SNX4: variants seen among roughly 807,000 people sequenced by gnomAD.
The protein encoded by SNX4 is sorting nexin 4.
A neutral mutation model predicts 70.8 loss-of-function variants in SNX4; 49 were observed. That is an observed-to-expected ratio of 0.69 (90% CI 0.55 to 0.88). The LOEUF is 0.88. SNX4 is among the 40% of genes least tolerant of loss of function. The pLI is 0.00. For synonymous variants in SNX4, 206 were observed against 183.8 expected, an observed-to-expected ratio of 1.12 and a Z score of -0.98; for missense variants, 528 against 544.8, an observed-to-expected ratio of 0.97 and a Z score of 0.31.
chr3:125,453,105 A>G (rs1197537510), intron 12 of SNX4, among the ~76,000 whole-genome samples: 1 of 152,232 alleles, frequency 6.6e-6, no homozygotes, highest in Non-Finnish European at 1.5e-5. Context: ...CTGAATTTCT[A>G]GAAATACTTA....
At chr3:125,484,541 T>C (rs1934481190) in intron 6 of SNX4, among the ~76,000 whole-genome samples, 1 of 152,142 alleles carries the variant, frequency 6.6e-6, no homozygotes, top group African/African-American at 2.4e-5. Flanking sequence ...AGGTGTGAGC[T>C]ACCATGTCTG....
chr3:125,486,644 A>C (rs1280184871), intron 6 of SNX4, among the ~76,000 whole-genome samples: 1 of 152,150 alleles, frequency 6.6e-6, no homozygotes, highest in Non-Finnish European at 1.5e-5. Context: ...AGAGTACGTT[A>C]CTTATATAAT....
At chr3:125,508,844 C>T (rs530541962) in intron 1 of SNX4, among the ~76,000 whole-genome samples, 1 of 152,102 alleles carries the variant, frequency 6.6e-6, no homozygotes, top group South Asian at 2.1e-4. Flanking sequence ...GGACCCTTAC[C>T]TAACACCGAC....
chr3:125,490,957 T>C (rs772324059), intron 5 of SNX4, among the ~76,000 whole-genome samples: 1 of 152,124 alleles, frequency 6.6e-6, no homozygotes, highest in Non-Finnish European at 1.5e-5. Flanking sequence ...ACAAATACTG[T>C]TAATGAATAA....
chr3:125,491,671 C>T (rs1029071208), intron 5 of SNX4, among the ~76,000 whole-genome samples: 9 of 152,130 alleles, frequency 5.9e-5, no homozygotes, highest in Non-Finnish European at 8.8e-5. Flanking sequence ...GATAGGTTAT[C>T]GCCCACCTAA....
At chr3:125,481,686 GC>G (rs989997646) in intron 6 of SNX4, among the ~76,000 whole-genome samples, 7 of 152,208 alleles carry the variant, frequency 4.6e-5, no homozygotes, top group Non-Finnish European at 5.9e-5. Flanking sequence ...GTGATCGCCT[GC>G]CTTGGCCTCC....
At chr3:125,454,433 AAC>A (rs1402501841) in intron 11 of SNX4, among the ~76,000 whole-genome samples, 5 of 152,196 alleles carry the variant, frequency 3.3e-5, no homozygotes, top group Admixed American at 3.3e-4. Context: ...TCTGAAATGA[AAC>A]AGTTTCATCC....
chr3:125,478,060 CT>C (rs1553726348), intron 7 of SNX4, among the ~76,000 whole-genome samples: 1 of 149,114 alleles, frequency 6.7e-6, no homozygotes, highest in Non-Finnish European at 1.5e-5. Context: ...TCTTCTTCTT[CT>C]TATTATTATT....
chr3:125,490,362 A>G (rs1466619199), intron 5 of SNX4, among the ~76,000 whole-genome samples: 1 of 151,496 alleles, frequency 6.6e-6, no homozygotes, highest in Non-Finnish European at 1.5e-5. Flanking sequence ...CTCTACTAAA[A>G]ATACAAAAAA....
chr3:125,465,916 TAA>T (rs1273420389), intron 9 of SNX4, among the ~76,000 whole-genome samples: 1 of 152,228 alleles, frequency 6.6e-6, no homozygotes, highest in Non-Finnish European at 1.5e-5. Flanking sequence ...CAGCTGAGAT[TAA>T]AAGTGTGAGC....
chr3:125,498,246 C>A (rs1428645122), intron 2 of SNX4, 52 bp from the exon 3 acceptor site: 1 of 1,444,272 alleles, frequency 6.9e-7, no homozygotes, highest in Admixed American at 1.9e-5. Context: ...AAAATACATA[C>A]ACATAAATAC....
At chr3:125,451,063 C>A (rs537044999) in intron 13 of SNX4, among the ~76,000 whole-genome samples, 12 of 151,828 alleles carry the variant, frequency 7.9e-5, no homozygotes, top group Non-Finnish European at 1.3e-4. Flanking sequence ...GCCAGGAGTT[C>A]GAGACCAGCC....
At chr3:125,447,847 T>G in intron 13 of SNX4, 21 bp from the exon 14 acceptor site, 1 of 1,526,688 alleles carries the variant, frequency 6.6e-7, no homozygotes, top group Non-Finnish European at 8.9e-7. Context: ...AAATAAAAAC[T>G]TTAAAATGTG....
chr3:125,516,644 C>A (rs1009415286), intron 1 of SNX4, among the ~76,000 whole-genome samples: 3 of 152,184 alleles, frequency 2.0e-5, no homozygotes, highest in Non-Finnish European at 2.9e-5. Context: ...AGTCCGAGAC[C>A]AGCCTGGCCA....
intron 1 of SNX4, among the ~76,000 whole-genome samples, chr3:125,514,389 CTTTTT>C (rs57357708): frequency 1.0e-4 from 13 of 127,130 alleles, no homozygotes; most frequent in South Asian, 2.5e-4. Flanking sequence ...GTGACCAACA[CTTTTT>C]TTTTTTTTTT....
rs199863495 is a variant in SNX4 at position 125,467,575 on chromosome 3, A to AT, written c.854+1878dup. Among the ~76,000 whole-genome samples the AT allele has an allele frequency of 3.8e-3, 573 of 151,910 alleles. 1 individual carries two copies. Among genetic ancestry groups the AT allele is most frequent in the African/African-American group, 5.2e-3 (216 of 41,404 alleles). ...GCTAGTCAGAATGGTTATTATTATTATTTTTTTTAACTTAAATAACAGAGA... is the reference window on the plus strand; with the variant it reads ...GCTAGTCAGAATGGTTATTATTATTATTTTTTTTTAACTTAAATAACAGAGA... On this transcript the variant is annotated intron_variant, in intron 9 of 13. Transcript: ENST00000251775.
chr3:125,509,752 C>CAAAAAAAAAAA (rs202049305), intron 1 of SNX4, among the ~76,000 whole-genome samples: 1 of 68,686 alleles, frequency 1.5e-5, no homozygotes, highest in East Asian at 4.8e-4. Flanking sequence ...GAATCTGTCT[C>CAAAAAAAAAAA]AAAAAAAAAA....
rs1246339487 is a variant in SNX4, at chr3:125,487,722, T to A, written c.653+1686A>T. 2.7e-5 allele frequency among the ~76,000 whole-genome samples: 4 copies of A among 149,602 alleles called. No individual in the cohort carries two copies. The South Asian group carries it at 8.4e-4, about 31-fold the overall frequency. ...ATGCAAATTAAGTGAAAGAAGCCAATCTCAATGTTGACATACTGTATATGA... is the reference window on the plus strand; with the variant it reads ...ATGCAAATTAAGTGAAAGAAGCCAAACTCAATGTTGACATACTGTATATGA... On this transcript the variant is annotated intron_variant, in intron 6 of 13. Transcript: ENST00000251775.
chr3:125,480,329 GA>G lies in SNX4; in HGVS notation c.654-11del. ...AAGGTCAGTAAATCTCCTGAAACAG[GA>G]AACAAATAAAACATCGTTTTTCAAA... On this transcript the variant is annotated splice_polypyrimidine_tract_variant and intron_variant, in intron 6 of 13. Transcript: ENST00000251775. The G allele has an allele frequency of 6.7e-7, 1 of 1,483,590 alleles. No individual in the cohort carries two copies. The highest frequency in any genetic ancestry group is 9.0e-7 in the Non-Finnish European group (1 of 1,106,756). 91.9% of individuals were successfully genotyped at this position (1,483,590 alleles called of 1,614,324 possible).
Sources: gnomAD v4.1 joint callset for allele counts (sites outside exome capture counted in the v4.1 genomes callset) on GRCh38, gnomAD v4.1.1 for gene constraint, MANE v1.5 for transcripts, NCBI Gene and HGNC (gene_info 2026-07-23, HGNC 2026-07-21) for gene names.